The following KIF5B variants were observed in gnomAD, a reference collection of about 807,000 sequenced individuals.
The protein encoded by KIF5B is kinesin-1 heavy chain.
A neutral mutation model predicts 132.8 loss-of-function variants in KIF5B; 49 were observed. The ratio of observed to expected loss-of-function variants is 0.37; its 90% CI spans 0.29 to 0.47. The LOEUF (loss-of-function observed/expected upper bound fraction) is 0.47, where lower values mean the gene tolerates loss of function less well. KIF5B is among the 20% of genes least tolerant of loss of function. KIF5B has a pLI of 1.00. For missense variants in KIF5B, 780 were observed against 1,144.0 expected, an observed-to-expected ratio of 0.68 and a Z score of 4.59; for synonymous variants, 355 against 369.4, an observed-to-expected ratio of 0.96 and a Z score of 0.45.
Position 32,035,670 on chromosome 10 carries a change from G to A in KIF5B, c.817-3C>T, listed in dbSNP as rs772091348. On this transcript the variant is annotated splice_polypyrimidine_tract_variant and splice_region_variant and intron_variant, in intron 9 of 25. Coordinates refer to ENST00000302418, the MANE Select transcript of KIF5B (RefSeq NM_004521.3). ...CTATCTCGATATGGAACATATGTCT[G>A]CATACAAAAACAAAGAAAGAAAACA... The A allele has an allele frequency of 2.5e-6, 4 of 1,590,966 alleles. No homozygotes were observed. The highest frequency in any genetic ancestry group is 3.4e-6 in the Non-Finnish European group (4 of 1,172,012).
At position 32,056,300 on chromosome 10, in the gene KIF5B, GA is replaced by G. The variant is rs1428384221; in HGVS notation, c.-328del. On this transcript the variant is annotated 5_prime_UTR_variant, in exon 1 of 26. Coordinates refer to ENST00000302418, the MANE Select transcript of KIF5B (RefSeq NM_004521.3). ...CTGCGGGGGCTGGGGAGGTTCTGGG[GA>G]CCGGGAGAGTGGCCACCTTCTTCCT... is the stretch of plus-strand genomic sequence containing the variant. 2 of 308,708 alleles carry G rather than the reference GA, an allele frequency of 6.5e-6. No individual in the cohort carries two copies. Among genetic ancestry groups the G allele is most frequent in the Middle Eastern group, 9.7e-4 (1 of 1,026 alleles). The allele number at this position is 308,708 out of a possible 1,614,324, so 19.1% of individuals were successfully genotyped here.
At chr10:32,040,322 C>T (rs1841516147) in intron 3 of KIF5B, 62 bp downstream of exon 3, 1 of 963,840 alleles carries the variant, frequency 1.0e-6, no homozygotes, top group African/African-American at 1.6e-5. Context: ...GAAATAATAT[C>T]ACAAATAATG....
rs886095583 is a variant in KIF5B, at chr10:32,011,098, AAAGG to A, written c.*435_*438del. ...TGTTCCATTTTCTCTTAAGAAAAAAAAAGGAAGACGTTTTAATAGGAAAAGAAAA... is the reference window on the plus strand; with the variant it reads ...TGTTCCATTTTCTCTTAAGAAAAAAAAAGACGTTTTAATAGGAAAAGAAAA... On this transcript the variant is annotated 3_prime_UTR_variant, in exon 26 of 26. Transcript: ENST00000302418. 6.6e-6 allele frequency: 1 copy of A among 152,278 alleles called. No homozygotes were observed. Among genetic ancestry groups the A allele is most frequent in the African/African-American group, 2.4e-5 (1 of 41,476 alleles). The allele number at this position is 152,278 out of a possible 1,614,324, so 9.4% of individuals were successfully genotyped here. A position where few individuals can be genotyped will look rare whatever the true frequency, so the allele number is the denominator to read the frequency against.
intron 1 of KIF5B, among the ~76,000 whole-genome samples, chr10:32,054,772 T>C (rs1841732052): frequency 6.6e-6 from 1 of 152,246 alleles, no homozygotes. Context: ...AATTAATTTT[T>C]AATCTCCTTC....
intron 1 of KIF5B, among the ~76,000 whole-genome samples, chr10:32,052,980 A>G (rs1841712548): frequency 6.6e-6 from 1 of 152,240 alleles, no homozygotes; most frequent in Admixed American, 6.5e-5. Flanking sequence ...AGAATCCTTA[A>G]AAATTACTTT....
At chr10:32,041,067 G>A (rs1328678245) in intron 2 of KIF5B, among the ~76,000 whole-genome samples, 1 of 148,648 alleles carries the variant, frequency 6.7e-6, no homozygotes, top group Non-Finnish European at 1.5e-5. Context: ...AATCGCCTGA[G>A]CCCAGGAGAA....
Position 32,056,190 on chromosome 10 carries a change from A to T in KIF5B, c.-217T>A. ...CCCTAATGCTCACTTCCGATCCATC[A>T]TGGCAGCCATGGCGGCGGCAGCGGC... On this transcript the variant is annotated 5_prime_UTR_variant, in exon 1 of 26. An upstream start codon of the reference 5' UTR is lost. Coordinates refer to ENST00000302418, the MANE Select transcript of KIF5B (RefSeq NM_004521.3). 1 of 527,036 alleles carries T rather than the reference A, an allele frequency of 1.9e-6. No homozygotes were observed. Among genetic ancestry groups the T allele is most frequent in the Non-Finnish European group, 3.3e-6 (1 of 306,696 alleles). The allele number at this position is 527,036 out of a possible 1,614,324, so 32.6% of individuals were successfully genotyped here.
At chr10:32,046,952 A>C (rs531541783) in intron 2 of KIF5B, among the ~76,000 whole-genome samples, 1 of 152,348 alleles carries the variant, frequency 6.6e-6, no homozygotes, top group African/African-American at 2.4e-5. Context: ...AAATGTGCTC[A>C]GAACACGTAC....
intron 15 of KIF5B, among the ~76,000 whole-genome samples, chr10:32,023,792 G>C (rs1841295993): frequency 6.6e-6 from 1 of 152,072 alleles, no homozygotes; most frequent in Admixed American, 6.6e-5. Flanking sequence ...TCTTCAACTG[G>C]ACATCCAGAT....
At chr10:32,053,223 G>A (rs892144826) in intron 1 of KIF5B, among the ~76,000 whole-genome samples, 12 of 151,992 alleles carry the variant, frequency 7.9e-5, no homozygotes, top group East Asian at 7.7e-4. Context: ...TTCCAATTCC[G>A]CTCCTCCTGG....
intron 2 of KIF5B, among the ~76,000 whole-genome samples, chr10:32,041,529 TTAG>T (rs1434149857): frequency 6.6e-6 from 1 of 152,226 alleles, no homozygotes; most frequent in African/African-American, 2.4e-5. Context: ...TGATGGTTAA[TTAG>T]TAGCTAATCC....
chr10:32,028,759 T>C (rs1237859009), intron 14 of KIF5B, among the ~76,000 whole-genome samples, 188 bp from the exon 15 acceptor site: 3 of 152,220 alleles, frequency 2.0e-5, no homozygotes, highest in South Asian at 2.1e-4. Flanking sequence ...TTAGACCTAA[T>C]AGGCTATGGT....
rs1554800857 is a variant in KIF5B, at chr10:32,024,146, C to CCTTT, written c.1726-1111_1726-1110insAAAG. 9.1e-3 allele frequency among the ~76,000 whole-genome samples: 634 copies of CCTTT among 69,742 alleles called. 111 individuals are homozygous for CCTTT. Among genetic ancestry groups the CCTTT allele is most frequent in the Middle Eastern group, 0.04 (2 of 50 alleles). 45.8% of individuals were successfully genotyped at this position (69,742 alleles called of 152,430 possible). ...TTATATCCAAAACATATGAAGAACT[C>CCTTT]TTTTTTTTTTTTTTTTTTTTTTTTT... On this transcript the variant is annotated intron_variant, in intron 15 of 25. Coordinates refer to ENST00000302418, the MANE Select transcript of KIF5B (RefSeq NM_004521.3).
chr10:32,011,939 AGGG>A (rs1564460556), intron 25 of KIF5B, among the ~76,000 whole-genome samples: 1 of 151,192 alleles, frequency 6.6e-6, no homozygotes, highest in Admixed American at 6.6e-5. Flanking sequence ...TAAAAAAAAA[AGGG>A]GGAGAGGAAT....
intron 2 of KIF5B, among the ~76,000 whole-genome samples, chr10:32,043,368 C>G (rs1416383058): frequency 6.6e-6 from 1 of 152,304 alleles, no homozygotes; most frequent in East Asian, 1.9e-4. Flanking sequence ...GGTTAAATAA[C>G]TTGCCTGTAA....
At chr10:32,039,565 T>C in intron 3 of KIF5B, 134 bp from the exon 4 acceptor site, 1 of 566,264 alleles carries the variant, frequency 1.8e-6, no homozygotes. Context: ...TGTAAATACC[T>C]AAAAAATCCA....
chr10:32,041,162 A>C (rs941510547), intron 2 of KIF5B, among the ~76,000 whole-genome samples: 1 of 151,506 alleles, frequency 6.6e-6, no homozygotes, highest in African/African-American at 2.4e-5. Flanking sequence ...AAAAAAAAAA[A>C]ACCAAAATTA....
chr10:32,039,321 A>G lies in KIF5B; in HGVS notation c.393+6T>C, dbSNP rs1014892476. On this transcript the variant is annotated splice_donor_region_variant and intron_variant, in intron 4 of 25. Transcript: ENST00000302418. ...ATAAAATATAATCTTTCCTCAAGGA[A>G]TTTACCTTAATATGAAATTCCAAAT... is the stretch of plus-strand genomic sequence containing the variant. The G allele has an allele frequency of 1.7e-5, 16 of 946,686 alleles. No individual in the cohort carries two copies. Among genetic ancestry groups the G allele is most frequent in the Non-Finnish European group, 2.5e-5 (15 of 608,580 alleles). The allele number at this position is 946,686 out of a possible 1,614,324, so 58.6% of individuals were successfully genotyped here. A position where few individuals can be genotyped will look rare whatever the true frequency, so the allele number is the denominator to read the frequency against.
intron 20 of KIF5B, among the ~76,000 whole-genome samples, chr10:32,019,440 A>C (rs192010165): frequency 6.6e-6 from 1 of 152,326 alleles, no homozygotes; most frequent in African/African-American, 2.4e-5. Context: ...AACCATGAAA[A>C]CCTCTGTTCA....
Sources: gnomAD v4.1 joint callset for allele counts (sites outside exome capture counted in the v4.1 genomes callset) on GRCh38, gnomAD v4.1.1 for gene constraint, MANE v1.5 for transcripts, NCBI Gene and HGNC (gene_info 2026-07-23, HGNC 2026-07-21) for gene names.